The following ADAMTSL3 variants were observed in gnomAD, a reference collection of about 807,000 sequenced individuals.
The protein encoded by ADAMTSL3 is ADAMTS like 3, also known as ADAMTS-like protein 3.
Under a neutral mutation model 201.7 loss-of-function variants are expected in ADAMTSL3, and 128 were observed. The observed-to-expected ratio is 0.63, with a 90% confidence interval of 0.55 to 0.73. The LOEUF (loss-of-function observed/expected upper bound fraction) is 0.73. ADAMTSL3 is among the 30% of genes least tolerant of loss of function. The pLI is 0.00. For missense variants in ADAMTSL3, 1,990 were observed against 2,119.6 expected (o/e 0.94, Z 1.20); for synonymous variants, 738 against 748.4 (o/e 0.99, Z 0.23).
chr15:84,018,274 C>T (rs2068124482), intron 25 of ADAMTSL3, among the ~76,000 whole-genome samples: 1 of 152,120 alleles, frequency 6.6e-6, no homozygotes, highest in African/African-American at 2.4e-5. Context: ...ATGTCCCAGC[C>T]CTTCAAAGGA....
At chr15:83,879,195 G>A (rs980504800) in intron 9 of ADAMTSL3, among the ~76,000 whole-genome samples, 97 of 151,950 alleles carry the variant, frequency 6.4e-4, no homozygotes, top group African/African-American at 2.1e-3. Flanking sequence ...TAGACATTTC[G>A]CAGAAACAAC....
At chr15:83,822,121 G>A (rs1471103333) in intron 6 of ADAMTSL3, among the ~76,000 whole-genome samples, 39 of 148,472 alleles carry the variant, frequency 2.6e-4, no homozygotes, top group African/African-American at 8.4e-4. Context: ...CTGGCCGGGC[G>A]GGGGGCTGAC....
chr15:84,011,803 T>C (rs1371888902), intron 23 of ADAMTSL3, among the ~76,000 whole-genome samples: 1 of 152,182 alleles, frequency 6.6e-6, no homozygotes, highest in Non-Finnish European at 1.5e-5. Flanking sequence ...GTGTTGGCAA[T>C]AAACAACTAT....
At chr15:83,985,469 TA>T (rs1377703240) in intron 21 of ADAMTSL3, among the ~76,000 whole-genome samples, 1 of 152,142 alleles carries the variant, frequency 6.6e-6, no homozygotes, top group Admixed American at 6.5e-5. Context: ...TTCTTTCAAG[TA>T]AAAATCATAT....
chr15:83,903,916 TCAAAAAAAAAAAAAAA>T, intron 15 of ADAMTSL3, among the ~76,000 whole-genome samples: 1 of 1,886 alleles, frequency 5.3e-4, no homozygotes, highest in African/African-American at 6.8e-3. Flanking sequence ...AGACTCCACA[TCAAAAAAAAAAAAAAA>T]AAAAAAAAAA....
rs1159298954 is a variant in ADAMTSL3 at position 83,890,219 on chromosome 15, G to A, written c.1183G>A (p.Glu395Lys). 6.2e-7 allele frequency: 1 copy of A among 1,613,964 alleles called. No homozygotes were observed. The highest frequency in any genetic ancestry group is 1.1e-5 in the South Asian group (1 of 91,060). The stretch of plus-strand genomic sequence containing the variant: ...TGTAAAACCAAAACCAAAACTGAAG[G>A]AATGCAGCATGGATCCCTGCCCATC... ...ENVKPKPKLKECSMDPCPSSD... is the reference protein window; with the variant it reads ...ENVKPKPKLKKCSMDPCPSSD... The change falls in exon 11 of 30, where the codon GAA (glutamate) becomes AAA (lysine). Residue 395 changes from glutamate (E) to lysine (K), a missense_variant. Glu to Lys is a moderately conservative substitution (Grantham distance 56, BLOSUM62 1). Coordinates refer to ENST00000286744, the MANE Select transcript of ADAMTSL3 (RefSeq NM_207517.3).
intron 23 of ADAMTSL3, among the ~76,000 whole-genome samples, chr15:84,005,340 C>G (rs1035898518): frequency 6.6e-6 from 1 of 152,206 alleles, no homozygotes; most frequent in African/African-American, 2.4e-5. Context: ...TGCTGATTAT[C>G]AGGAAGGGCC....
chr15:83,674,766 C>CATACATATATATATATAT (rs760271207), intron 2 of ADAMTSL3, among the ~76,000 whole-genome samples: 1 of 68,952 alleles, frequency 1.5e-5, no homozygotes, highest in African/African-American at 5.4e-5. Flanking sequence ...CACATATATA[C>CATACATATATATATATAT]ATATATATAT....
intron 15 of ADAMTSL3, among the ~76,000 whole-genome samples, chr15:83,909,202 G>A (rs1026530235): frequency 6.6e-6 from 1 of 152,082 alleles, no homozygotes; most frequent in Non-Finnish European, 1.5e-5. Flanking sequence ...AGTAATCTGG[G>A]ATTATCTTCC....
chr15:84,005,905 G>T (rs1007448780), intron 23 of ADAMTSL3, among the ~76,000 whole-genome samples: 2 of 152,156 alleles, frequency 1.3e-5, no homozygotes, highest in Non-Finnish European at 2.9e-5. Context: ...CTATTCAAGA[G>T]AATTCTGTAA....
At chr15:83,749,210 G>C (rs1351656427) in intron 3 of ADAMTSL3, among the ~76,000 whole-genome samples, 1 of 152,214 alleles carries the variant, frequency 6.6e-6, no homozygotes, top group Non-Finnish European at 1.5e-5. Context: ...CTCTCTCACA[G>C]TTGCAGGGCA....
In ADAMTSL3 at chr15:83,943,056, C is replaced by T. The variant is rs367728006; in HGVS notation, c.2464C>T (p.His822Tyr). ...KSCARTDCPP[H>Y]LAVGDWSKCS... ...CTGTGCCAGGACAGACTGTCCTCCACATTTAGCTGTGGGAGACTGGTCGAA... is the reference window on the plus strand; with the variant it reads ...CTGTGCCAGGACAGACTGTCCTCCATATTTAGCTGTGGGAGACTGGTCGAA... Residue 822 changes from histidine (H) to tyrosine (Y), a missense_variant, in exon 19 of 30, where the codon CAT becomes TAT. His to Tyr is a moderately conservative substitution (Grantham distance 83). Transcript: ENST00000286744. The T allele has an allele frequency of 1.3e-5, 21 of 1,613,328 alleles. No individual in the cohort carries two copies. In the African/African-American group the frequency reaches 2.7e-4, roughly 21 times the overall value.
intron 15 of ADAMTSL3, among the ~76,000 whole-genome samples, chr15:83,904,603 G>A (rs1314298981): frequency 6.6e-6 from 1 of 152,292 alleles, no homozygotes; most frequent in Non-Finnish European, 1.5e-5. Flanking sequence ...AAAAATTATA[G>A]TGTATAAATC....
At chr15:83,686,343 T>C (rs79109450) in intron 2 of ADAMTSL3, among the ~76,000 whole-genome samples, 2,311 of 152,314 alleles carry the variant, frequency 0.015, 48 homozygotes, top group African/African-American at 0.052. Context: ...TGATGAGATA[T>C]CATCCAAGTG....
chr15:83,701,593 A>G (rs1365511395), intron 2 of ADAMTSL3, among the ~76,000 whole-genome samples: 1 of 152,192 alleles, frequency 6.6e-6, no homozygotes, highest in Non-Finnish European at 1.5e-5. Flanking sequence ...GGTATCCCCC[A>G]TACTGTTCTC....
chr15:83,809,614 T>C (rs1363833512), intron 5 of ADAMTSL3, among the ~76,000 whole-genome samples: 4 of 152,226 alleles, frequency 2.6e-5, no homozygotes, highest in Non-Finnish European at 4.4e-5. Flanking sequence ...ACTGTCTTGG[T>C]AAATTCCTTT....
At chr15:83,822,667 T>C (rs1191030195) in intron 6 of ADAMTSL3, among the ~76,000 whole-genome samples, 9 of 145,126 alleles carry the variant, frequency 6.2e-5, no homozygotes, top group Non-Finnish European at 1.4e-4. Flanking sequence ...CCTCACTTCC[T>C]AGATGGGATG....
intron 3 of ADAMTSL3, among the ~76,000 whole-genome samples, chr15:83,766,291 G>C (rs1245030785): frequency 1.3e-5 from 2 of 152,174 alleles, no homozygotes; most frequent in African/African-American, 4.8e-5. Context: ...GATCCACATT[G>C]TATTCACAGG....
At chr15:83,719,493 TTTG>T (rs2141568955) in intron 3 of ADAMTSL3, among the ~76,000 whole-genome samples, 1 of 152,230 alleles carries the variant, frequency 6.6e-6, no homozygotes, top group South Asian at 2.1e-4. Context: ...AAATTACTAT[TTTG>T]TTGTCAACTC....
Sources: allele counts gnomAD v4.1 joint callset (sites outside exome capture counted in the v4.1 genomes callset), GRCh38; gene constraint gnomAD v4.1.1; transcripts MANE v1.5; gene names NCBI Gene and HGNC (gene_info 2026-07-23, HGNC 2026-07-21).